SNX25: variants seen among roughly 807,000 people sequenced by gnomAD.
The protein encoded by SNX25 is sorting nexin-25.
Under a neutral mutation model 113.7 loss-of-function variants are expected in SNX25, and 62 were observed. The ratio of observed to expected loss-of-function variants is 0.55; its 90% CI spans 0.44 to 0.67. The LOEUF (loss-of-function observed/expected upper bound fraction) is 0.67, where lower values mean the gene tolerates loss of function less well. SNX25 is among the 30% of genes least tolerant of loss of function. SNX25 has a pLI of 0.00. For missense variants in SNX25, 1,014 were observed against 1,161.0 expected (o/e 0.87, Z 1.84); for synonymous variants, 421 against 436.2 (o/e 0.97, Z 0.43).
At chr4:185,269,821 T>C (rs529174965) in intron 5 of SNX25, among the ~76,000 whole-genome samples, 1 of 152,270 alleles carries the variant, frequency 6.6e-6, no homozygotes, top group African/African-American at 2.4e-5. Flanking sequence ...AACAGTCCTC[T>C]CCCTCAGCCT....
chr4:185,256,842 T>A (rs1746509908), intron 2 of SNX25, among the ~76,000 whole-genome samples: 1 of 151,972 alleles, frequency 6.6e-6, no homozygotes, highest in African/African-American at 2.4e-5. Context: ...CAGGCTGGTC[T>A]CAAGCTCCTG....
intron 2 of SNX25, among the ~76,000 whole-genome samples, chr4:185,257,927 G>A (rs1746690107): frequency 6.6e-6 from 1 of 152,136 alleles, no homozygotes; most frequent in South Asian, 2.1e-4. Context: ...CTTGTTAGGA[G>A]ACAGAAACCA....
chr4:185,291,525 A>G (rs1459773430), intron 6 of SNX25, among the ~76,000 whole-genome samples: 2 of 152,236 alleles, frequency 1.3e-5, no homozygotes, highest in East Asian at 3.8e-4. Flanking sequence ...ACTGTCTGGC[A>G]CAAACAACAA....
intron 1 of SNX25, among the ~76,000 whole-genome samples, chr4:185,214,322 CA>C (rs1012593135): frequency 5.6e-5 from 8 of 143,782 alleles, no homozygotes. Context: ...CTTGGGAGAC[CA>C]AAATGGGAGG....
intron 10 of SNX25, among the ~76,000 whole-genome samples, chr4:185,333,624 G>A (rs1318893861): frequency 6.6e-6 from 1 of 152,156 alleles, no homozygotes; most frequent in African/African-American, 2.4e-5. Flanking sequence ...TAAACAGTGA[G>A]TTTTCTTTAA....
Position 185,210,235 on chromosome 4 carries a change from G to T in SNX25, c.409G>T (p.Ala137Ser). Residue 137 changes from alanine to serine, a missense_variant, in exon 1 of 19, where the codon GCC becomes TCC. By Grantham distance (99) the Ala-to-Ser change is moderately conservative (BLOSUM62 1). Coordinates refer to ENST00000652585, the MANE Select transcript of SNX25 (RefSeq NM_001378034.2). This position sits in a 1 kb window ranked among gnomAD's most constrained non-coding sequence, Gnocchi z 4.4. ...CTGGAGCCGGCTGGCCGCGACCTCA[G>T]CCGCCCGCCGCCCGCCGGGGGTAAG... is the stretch of plus-strand genomic sequence containing the variant. ...AAWSRLAATSAARRPPGSPVY... is the reference protein window; with the variant it reads ...AAWSRLAATSSARRPPGSPVY... 1.0e-6 allele frequency: 1 copy of T among 984,892 alleles called. No homozygotes were observed. The highest frequency in any genetic ancestry group is 1.2e-6 in the Non-Finnish European group (1 of 830,030). The allele number at this position is 984,892 out of a possible 1,614,324, so 61.0% of individuals were successfully genotyped here.
At chr4:185,360,278 TC>T (rs2126758024) in intron 16 of SNX25, among the ~76,000 whole-genome samples, 1 of 152,292 alleles carries the variant, frequency 6.6e-6, no homozygotes, top group Admixed American at 6.5e-5. Flanking sequence ...ATTGCACAGT[TC>T]CAAGAAAGAG....
chr4:185,231,745 A>T (rs1468464453), intron 1 of SNX25, among the ~76,000 whole-genome samples: 1 of 151,836 alleles, frequency 6.6e-6, no homozygotes, highest in African/African-American at 2.4e-5. Flanking sequence ...TATTCTTTGA[A>T]TGTCAACACA....
At chr4:185,340,392 G>C (rs1034983500) in intron 11 of SNX25, among the ~76,000 whole-genome samples, 1 of 152,134 alleles carries the variant, frequency 6.6e-6, no homozygotes, top group Non-Finnish European at 1.5e-5. Context: ...GTACATGAGG[G>C]CCTAACCAGG....
intron 1 of SNX25, among the ~76,000 whole-genome samples, chr4:185,222,245 CGCGGT>C (rs1560901494): frequency 6.6e-6 from 1 of 150,404 alleles, no homozygotes; most frequent in East Asian, 2.0e-4. Flanking sequence ...ACCCCTCCTT[CGCGGT>C]AGGTATACAG....
Position 185,232,671 on chromosome 4 carries a change from G to T in SNX25, c.430-14623G>T, listed in dbSNP as rs936134699. Reference sequence around the variant, plus strand: ...ATCTCTGTGAAAAAAGCAATTCAACGTGACTCATCCAGTTGTTGAGTTACA... The same window carrying T: ...ATCTCTGTGAAAAAAGCAATTCAACTTGACTCATCCAGTTGTTGAGTTACA... On this transcript the variant is annotated intron_variant, in intron 1 of 18. Transcript: ENST00000652585. This position sits in a 1 kb window ranked among gnomAD's most constrained non-coding sequence, Gnocchi z 4.4. Among the ~76,000 whole-genome samples the T allele has an allele frequency of 1.3e-5, 2 of 152,192 alleles. No individual in the cohort carries two copies. The highest frequency in any genetic ancestry group is 2.9e-5 in the Non-Finnish European group (2 of 68,040).
intron 5 of SNX25, among the ~76,000 whole-genome samples, chr4:185,274,063 C>CCT (rs1560957828): frequency 1.4e-5 from 2 of 139,142 alleles, no homozygotes; most frequent in African/African-American, 2.6e-5. Flanking sequence ...TATACACGGG[C>CCT]TTTTTTTTTT....
rs1319724647 is a variant in SNX25, at chr4:185,351,429, CCT to C, written c.2302-13_2302-12del. 1 of 1,611,586 alleles carries C rather than the reference CCT, an allele frequency of 6.2e-7. No homozygotes were observed. Among genetic ancestry groups the C allele is most frequent in the Non-Finnish European group, 8.5e-7 (1 of 1,179,060 alleles). On this transcript the variant is annotated splice_polypyrimidine_tract_variant and intron_variant, in intron 13 of 18. Transcript: ENST00000652585. ...AGTTTCCCACACTGGAGCAGTTAAT[CCT>C]CTTTCTTCCATAGAATCTGCTTTCA...
At chr4:185,329,500 C>G (rs2095179133) in intron 9 of SNX25, among the ~76,000 whole-genome samples, 1 of 152,194 alleles carries the variant, frequency 6.6e-6, no homozygotes, top group African/African-American at 2.4e-5. Flanking sequence ...AAGATTTCTT[C>G]TAGCTTAGTC....
At chr4:185,214,137 T>C (rs1349449304) in intron 1 of SNX25, among the ~76,000 whole-genome samples, 1 of 152,044 alleles carries the variant, frequency 6.6e-6, no homozygotes, top group Non-Finnish European at 1.5e-5. Context: ...AGACTCTCCC[T>C]GTAGGGCAAG....
At chr4:185,327,559 C>G (rs2095165200) in intron 9 of SNX25, among the ~76,000 whole-genome samples, 1 of 152,058 alleles carries the variant, frequency 6.6e-6, no homozygotes, top group Non-Finnish European at 1.5e-5. Flanking sequence ...ATTATCTTTT[C>G]TTTAATATCT....
chr4:185,312,851 G>C (rs2095042190), intron 7 of SNX25, among the ~76,000 whole-genome samples: 1 of 152,118 alleles, frequency 6.6e-6, no homozygotes, highest in Non-Finnish European at 1.5e-5. Flanking sequence ...AGACATTCAG[G>C]AAAAGAGAAA....
At chr4:185,343,572 A>AT (rs2095270725) in intron 12 of SNX25, among the ~76,000 whole-genome samples, 1 of 152,208 alleles carries the variant, frequency 6.6e-6, no homozygotes, top group South Asian at 2.1e-4. Context: ...GTCATAGGAC[A>AT]TGTACATAGT....
rs1332424977 is a variant in SNX25, at chr4:185,267,049, C to G, written c.985C>G (p.Gln329Glu). The change falls in exon 5 of 19, where the codon CAA becomes GAA. Residue 329 changes from glutamine to glutamate, a missense_variant. By Grantham distance (29) the Gln-to-Glu change is conservative. Transcript: ENST00000652585. Reference sequence around the variant, plus strand: ...GCTTGCCCAGCTGGCGTACAGAGAGCAAATGAATGAGCATCACAAGAGAGC... The same window carrying G: ...GCTTGCCCAGCTGGCGTACAGAGAGGAAATGAATGAGCATCACAAGAGAGC... ...MLLAQLAYRE[Q>E]MNEHHKRAYT... 8.7e-6 allele frequency: 14 copies of G among 1,613,938 alleles called. No homozygotes were observed. The highest frequency in any genetic ancestry group is 1.2e-5 in the Non-Finnish European group (14 of 1,179,924).
Sources: gnomAD v4.1 joint callset for allele counts (sites outside exome capture counted in the v4.1 genomes callset) on GRCh38, gnomAD v4.1.1 for gene constraint, Gnocchi (gnomAD v3.1) non-coding constraint, MANE v1.5 for transcripts, NCBI Gene and HGNC (gene_info 2026-07-23, HGNC 2026-07-21) for gene names.